Variants in NFATC3 observed in about 807,000 individuals in gnomAD.
NFATC3 encodes the protein nuclear factor of activated T-cells, cytoplasmic 3.
In NFATC3, 46 loss-of-function variants were observed where a neutral mutation model predicts 98.6. The ratio of observed to expected loss-of-function variants is 0.47; its 90% confidence interval spans 0.37 to 0.60. NFATC3 has a LOEUF of 0.60. NFATC3 is among the 20% of genes least tolerant of loss of function. The pLI is 0.00. For synonymous variants in NFATC3, 512 were observed against 472.2 expected (o/e 1.08, Z -1.09); for missense variants, 1,256 against 1,295.5 (o/e 0.97, Z 0.47).
At chr16:68,103,700 C>G (rs1481902319) in intron 1 of NFATC3, among the ~76,000 whole-genome samples, 1 of 152,006 alleles carries the variant, frequency 6.6e-6, no homozygotes, top group African/African-American at 2.4e-5. Flanking sequence ...GTTGTTGATC[C>G]TTTTTGAGTT....
At chr16:68,214,141 A>G (rs1723956188) in intron 9 of NFATC3, among the ~76,000 whole-genome samples, 1 of 152,172 alleles carries the variant, frequency 6.6e-6, no homozygotes, top group Non-Finnish European at 1.5e-5. Context: ...TTAGTACCTG[A>G]GCTATCTGAA....
intron 3 of NFATC3, chr16:68,138,394 T>G: frequency 2.8e-6 from 2 of 727,072 alleles, no homozygotes; most frequent in Non-Finnish European, 3.8e-6. Context: ...CTCTCCTTCC[T>G]TGGATTAATC....
intron 3 of NFATC3, among the ~76,000 whole-genome samples, chr16:68,131,625 G>A (rs2037117896): frequency 6.6e-6 from 1 of 150,774 alleles, no homozygotes; most frequent in Non-Finnish European, 1.5e-5. Context: ...AAACAAGCCA[G>A]CAGATACCAA....
At chr16:68,135,457 C>CAAAAA (rs60331468) in intron 3 of NFATC3, among the ~76,000 whole-genome samples, 4 of 78,726 alleles carry the variant, frequency 5.1e-5, no homozygotes, top group East Asian at 4.6e-4. Flanking sequence ...GACTCCGTCT[C>CAAAAA]AAAAAAAAAA....
intron 1 of NFATC3, among the ~76,000 whole-genome samples, chr16:68,102,334 T>A (rs985743827): frequency 7.1e-5 from 9 of 126,592 alleles, no homozygotes; most frequent in Non-Finnish European, 1.4e-4. Flanking sequence ...ATTGCACTAC[T>A]GCACTCCAGC....
chr16:68,112,920 T>C (rs574866910), intron 1 of NFATC3, among the ~76,000 whole-genome samples: 2 of 152,310 alleles, frequency 1.3e-5, no homozygotes, highest in East Asian at 3.9e-4. Flanking sequence ...TCTCCTGTTG[T>C]GTTTTTCAGC....
intron 9 of NFATC3, chr16:68,221,256 C>T: frequency 6.2e-7 from 1 of 1,614,012 alleles, no homozygotes; most frequent in South Asian, 1.1e-5. Context: ...TGGCCAGTCC[C>T]AGCAGGAAGA....
At chr16:68,219,092 A>G (rs1393380842) in intron 9 of NFATC3, among the ~76,000 whole-genome samples, 2 of 151,924 alleles carry the variant, frequency 1.3e-5, no homozygotes, top group Non-Finnish European at 2.9e-5. Context: ...CTCCCCAAAA[A>G]TAAATCAGCT....
chr16:68,103,634 C>T (rs925529968), intron 1 of NFATC3, among the ~76,000 whole-genome samples: 1 of 152,178 alleles, frequency 6.6e-6, no homozygotes, highest in African/African-American at 2.4e-5. Context: ...GAAGTCTTGA[C>T]AGTGTACTCC....
At chr16:68,106,824 C>T (rs1330482986) in intron 1 of NFATC3, among the ~76,000 whole-genome samples, 1 of 151,722 alleles carries the variant, frequency 6.6e-6, no homozygotes, top group East Asian at 1.9e-4. Context: ...AAAATGTGTG[C>T]CATGGTAGTT....
intron 5 of NFATC3, among the ~76,000 whole-genome samples, chr16:68,168,364 T>C (rs139666596): frequency 1.1e-4 from 17 of 151,788 alleles, no homozygotes; most frequent in South Asian, 2.1e-4. Flanking sequence ...GGTTTCACCA[T>C]GTTGGCCATG....
intron 9 of NFATC3, chr16:68,200,825 C>T (rs2040880723): frequency 6.6e-6 from 1 of 152,124 alleles, no homozygotes; most frequent in African/African-American, 2.4e-5. Flanking sequence ...ATGTAATTTT[C>T]CGTAAACATT....
intron 9 of NFATC3, among the ~76,000 whole-genome samples, chr16:68,214,896 G>A (rs968616722): frequency 1.3e-5 from 2 of 152,068 alleles, no homozygotes; most frequent in South Asian, 2.1e-4. Context: ...TTGCACTTCC[G>A]GTAGTCCTCT....
chr16:68,158,114 A>G, intron 4 of NFATC3, 46 bp downstream of exon 4: 1 of 1,238,716 alleles, frequency 8.1e-7, no homozygotes. Context: ...TTTTCTCTAT[A>G]CTTTCAGAAA....
intron 6 of NFATC3, among the ~76,000 whole-genome samples, chr16:68,176,809 G>A (rs957671454): frequency 1.3e-5 from 2 of 152,110 alleles, no homozygotes; most frequent in African/African-American, 4.8e-5. Context: ...TTTGGGGGAA[G>A]TGCTTCTTCT....
chr16:68,122,316 T>C lies in NFATC3; in HGVS notation c.433T>C (p.Ser145Pro), dbSNP rs757688697. The C allele has an allele frequency of 2.5e-6, 4 of 1,614,062 alleles. No homozygotes were observed. The Admixed American group carries it at 5.0e-5, about 20-fold the overall frequency. Residue 145 changes from serine to proline, a missense_variant, in exon 2 of 10, where the codon TCT becomes CCT. By Grantham distance (74) the Ser-to-Pro change is moderately conservative. Around this residue, in one of 3 missense-constraint regions of NFATC3, gnomAD observed 464 missense variants for 465.7 expected, o/e 1.00. Transcript: ENST00000346183. ...AGAACGGGAATTTTTGGAAAGGCCT[T>C]CTAGAGATCATCTCTATCTTCCTCT... is the stretch of plus-strand genomic sequence containing the variant. ...DPEREFLERPSRDHLYLPLEP... is the reference protein window; with the variant it reads ...DPEREFLERPPRDHLYLPLEP...
rs1040883464 is a variant in NFATC3, at chr16:68,085,611, A to AGCT, written c.-65_-63dup. 5 of 1,344,138 alleles carry AGCT rather than the reference A, an allele frequency of 3.7e-6. No homozygotes were observed. In the African/African-American group the frequency reaches 6.2e-5, roughly 17 times the overall value. 83.3% of individuals were successfully genotyped at this position (1,344,138 alleles called of 1,614,324 possible). ...GGCCCGGCATGAAGCGGCGTTGAGGAGCTGCTGCCGCCGCTTGCCGCTGCC... is the reference window on the plus strand; with the variant it reads ...GGCCCGGCATGAAGCGGCGTTGAGGAGCTGCTGCTGCCGCCGCTTGCCGCTGCC... On this transcript the variant is annotated 5_prime_UTR_variant, in exon 1 of 10. Transcript: ENST00000346183.
At chr16:68,173,673 TATAC>T (rs2039567174) in intron 5 of NFATC3, among the ~76,000 whole-genome samples, 1 of 152,230 alleles carries the variant, frequency 6.6e-6, no homozygotes, top group African/African-American at 2.4e-5. Flanking sequence ...GCAATATAAT[TATAC>T]ATCTTTGGAC....
chr16:68,172,223 T>A (rs538400048), intron 5 of NFATC3, among the ~76,000 whole-genome samples: 1 of 152,306 alleles, frequency 6.6e-6, no homozygotes, highest in South Asian at 2.1e-4. Context: ...GGCTAGGTAT[T>A]AAGTACTTGA....
Sources: allele counts gnomAD v4.1 joint callset (sites outside exome capture counted in the v4.1 genomes callset), GRCh38; gene constraint gnomAD v4.1.1; regional missense constraint gnomAD v4.1.1; transcripts MANE v1.5; gene names NCBI Gene and HGNC (gene_info 2026-07-23, HGNC 2026-07-21).